RANBP2: variants seen among roughly 807,000 people sequenced by gnomAD.
The protein encoded by RANBP2 is RAN binding protein 2, also known as E3 SUMO-protein ligase RanBP2.
RANBP2 carries 57 observed loss-of-function variants against 303.6 expected under a neutral mutation model. The observed-to-expected ratio is 0.19, with a 90% CI of 0.15 to 0.23. RANBP2 has a LOEUF of 0.23. Ranked by LOEUF, RANBP2 falls within the 10% of genes least tolerant of loss-of-function variation. RANBP2 has a pLI of 1.00. For missense variants in RANBP2, 3,138 were observed against 3,780.8 expected (o/e 0.83, Z 4.46); for synonymous variants, 1,167 against 1,301.5 (o/e 0.90, Z 2.23).
chr2:108,960,617 T>A, the RANBP2 span, among the ~76,000 whole-genome samples: 1 of 152,210 alleles, frequency 6.6e-6, no homozygotes, highest in South Asian at 2.1e-4. Flanking sequence ...TTTTCATATT[T>A]TCCTGATTGT....
At chr2:108,955,779 C>A in the RANBP2 span, among the ~76,000 whole-genome samples, 1 of 152,200 alleles carries the variant, frequency 6.6e-6, no homozygotes, top group African/African-American at 2.4e-5. Context: ...GTAATCCCAG[C>A]ACTTTGGGAG....
chr2:109,202,274 C>T, the RANBP2 span, among the ~76,000 whole-genome samples: 1 of 152,140 alleles, frequency 6.6e-6, no homozygotes, highest in Non-Finnish European at 1.5e-5. Context: ...CCTCCCAGGT[C>T]CATCTCGGCA....
At chr2:109,498,668 G>C in the RANBP2 span, among the ~76,000 whole-genome samples, 104 of 152,328 alleles carry the variant, frequency 6.8e-4, 1 homozygote, top group African/African-American at 2.5e-3. Context: ...TATCAAGTAG[G>C]TCCAGGATGG....
At chr2:109,325,404 T>C in the RANBP2 span, among the ~76,000 whole-genome samples, 13 of 144,178 alleles carry the variant, frequency 9.0e-5, no homozygotes, top group African/African-American at 3.4e-4. Context: ...TACAGTGGTG[T>C]GATCATGGCT....
the RANBP2 span, among the ~76,000 whole-genome samples, chr2:108,959,325 T>C: frequency 3.3e-5 from 5 of 152,250 alleles, no homozygotes; most frequent in Admixed American, 1.3e-4. Flanking sequence ...GATGACCTGG[T>C]GTTGGAGATT....
At chr2:109,721,127 T>C in the RANBP2 span, among the ~76,000 whole-genome samples, 1 of 152,202 alleles carries the variant, frequency 6.6e-6, no homozygotes, top group Non-Finnish European at 1.5e-5. Flanking sequence ...TATTAATTCA[T>C]ATCATTACTA....
the RANBP2 span, among the ~76,000 whole-genome samples, chr2:108,878,150 C>G: frequency 1.3e-5 from 2 of 152,322 alleles, no homozygotes; most frequent in South Asian, 2.1e-4. Flanking sequence ...ATCAAAAGCA[C>G]TGAACACTGA....
chr2:109,283,923 A>G, the RANBP2 span, among the ~76,000 whole-genome samples: 23 of 152,206 alleles, frequency 1.5e-4, no homozygotes, highest in South Asian at 4.4e-3. Context: ...CCCAGATTCC[A>G]TCTCACTTGG....
At chr2:109,144,715 C>T in the RANBP2 span, among the ~76,000 whole-genome samples, 3 of 152,246 alleles carry the variant, frequency 2.0e-5, no homozygotes, top group Non-Finnish European at 4.4e-5. Flanking sequence ...CACTCCCAGG[C>T]CCACCTCCAG....
chr2:109,046,473 C>T, the RANBP2 span, among the ~76,000 whole-genome samples: 2 of 142,022 alleles, frequency 1.4e-5, no homozygotes, highest in African/African-American at 2.6e-5. Flanking sequence ...ATGGCATGGT[C>T]TCGGCTCACT....
the RANBP2 span, among the ~76,000 whole-genome samples, chr2:109,170,982 T>TC: frequency 6.6e-6 from 1 of 151,902 alleles, no homozygotes; most frequent in Non-Finnish European, 1.5e-5. Context: ...CACAGGGCGC[T>TC]CCCCACAGGA....
the RANBP2 span, chr2:108,897,253 T>C: frequency 3.1e-6 from 5 of 1,603,206 alleles, no homozygotes; most frequent in East Asian, 8.9e-5. Context: ...TGGCCACAGT[T>C]AGATGTTGCA....
At chr2:109,718,479 A>G in the RANBP2 span, among the ~76,000 whole-genome samples, 3 of 152,350 alleles carry the variant, frequency 2.0e-5, no homozygotes, top group South Asian at 2.1e-4. Context: ...ACCATATATT[A>G]TAGGATTACA....
chr2:109,149,259 A>G, the RANBP2 span, among the ~76,000 whole-genome samples: 11 of 152,280 alleles, frequency 7.2e-5, no homozygotes, highest in African/African-American at 1.2e-4. Context: ...AGAATGTTCT[A>G]TGGCCCCCCG....
the RANBP2 span, among the ~76,000 whole-genome samples, chr2:109,511,352 G>C: frequency 1.3e-5 from 2 of 152,214 alleles, no homozygotes. Context: ...ACAGCACCAG[G>C]TGGCCCAGTA....
At chr2:109,067,362 G>A in the RANBP2 span, among the ~76,000 whole-genome samples, 3 of 152,198 alleles carry the variant, frequency 2.0e-5, no homozygotes, top group African/African-American at 7.2e-5. Flanking sequence ...AACACCGTGG[G>A]CAGTGACGCC....
At chr2:109,283,727 G>A in the RANBP2 span, among the ~76,000 whole-genome samples, 3 of 152,310 alleles carry the variant, frequency 2.0e-5, no homozygotes, top group African/African-American at 7.2e-5. Flanking sequence ...ATGCTAAATC[G>A]CTGGCCTGAG....
At chr2:108,810,677 G>T in the RANBP2 span, among the ~76,000 whole-genome samples, 1 of 152,168 alleles carries the variant, frequency 6.6e-6, no homozygotes, top group Non-Finnish European at 1.5e-5. Flanking sequence ...TTTGTACAAT[G>T]AGTTTGGAAG....
At chr2:109,127,188 A>G in the RANBP2 span, 1 of 152,234 alleles carries the variant, frequency 6.6e-6, no homozygotes, top group African/African-American at 2.4e-5. Flanking sequence ...TGCTATCAGA[A>G]GCAAAGTTTC....
Sources: gnomAD v4.1 joint callset for allele counts (sites outside exome capture counted in the v4.1 genomes callset) on GRCh38, gnomAD v4.1.1 for gene constraint, MANE v1.5 for transcripts, NCBI Gene and HGNC (gene_info 2026-07-23, HGNC 2026-07-21) for gene names.